Variants in ADGRV1 observed in about 807,000 individuals in gnomAD.
ADGRV1 encodes G-protein coupled receptor 98.
In ADGRV1, 359 loss-of-function variants were observed where a neutral mutation model predicts 596.2. The observed-to-expected ratio is 0.60, with a 90% confidence interval of 0.55 to 0.66. The LOEUF (loss-of-function observed/expected upper bound fraction) is 0.66, where lower values mean the gene tolerates loss of function less well. Among genes scored for constraint, ADGRV1 ranks in the 30% least tolerant of loss-of-function variants. The probability of loss-of-function intolerance (pLI) is 0.00; values close to 1 mark genes in which losing one functional copy is unlikely to be tolerated. For synonymous variants in ADGRV1, 2,681 were observed against 2,679.2 expected, an observed-to-expected ratio of 1.00 and a Z score of -0.02; for missense variants, 7,274 against 7,575.6, an observed-to-expected ratio of 0.96 and a Z score of 1.48.
At chr5:90,715,242 A>T (rs1749931009) in intron 42 of ADGRV1, among the ~76,000 whole-genome samples, 1 of 152,198 alleles carries the variant, frequency 6.6e-6, no homozygotes, top group Non-Finnish European at 1.5e-5. Context: ...AAGCTGATAG[A>T]TGATGTCCTA....
intron 2 of ADGRV1, among the ~76,000 whole-genome samples, chr5:90,616,964 A>G (rs576979902): frequency 6.6e-6 from 1 of 151,954 alleles, no homozygotes; most frequent in East Asian, 2.0e-4. Context: ...CTTTAGCTGG[A>G]TGAGAACATG....
chr5:90,668,062 T>C (rs1254320926), intron 21 of ADGRV1, among the ~76,000 whole-genome samples: 2 of 151,788 alleles, frequency 1.3e-5, no homozygotes, highest in African/African-American at 2.4e-5. Flanking sequence ...GCTGTCTTTT[T>C]GTTTGTCTGT....
intron 8 of ADGRV1, 73 bp downstream of exon 8, chr5:90,628,905 A>G: frequency 7.3e-7 from 1 of 1,373,286 alleles, no homozygotes; most frequent in Non-Finnish European, 9.9e-7. Context: ...TTGGTCATAC[A>G]CATCAACTTT....
intron 83 of ADGRV1, among the ~76,000 whole-genome samples, chr5:90,949,356 T>TA (rs947791744): frequency 6.6e-6 from 1 of 152,176 alleles, no homozygotes; most frequent in African/African-American, 2.4e-5. Context: ...GTGTGTATGT[T>TA]AAACTTCCAT....
intron 20 of ADGRV1, 146 bp downstream of exon 20, chr5:90,654,098 C>A: frequency 1.2e-6 from 1 of 829,054 alleles, no homozygotes; most frequent in Non-Finnish European, 1.9e-6. Context: ...AACTATGTGC[C>A]TACCAAGATA....
chr5:91,098,927 A>T (rs1791123545), intron 86 of ADGRV1, among the ~76,000 whole-genome samples: 1 of 151,714 alleles, frequency 6.6e-6, no homozygotes, highest in South Asian at 2.1e-4. Context: ...CAGTTGCCAG[A>T]CTTGATACCT....
In ADGRV1 at chr5:90,788,139, C is replaced by G; in HGVS notation, c.13722C>G (p.Asp4574Glu). The change falls in exon 68 of 90, where the codon GAC (aspartate) becomes GAG (glutamate). Residue 4574 changes from aspartate (D) to glutamate (E), a missense_variant. Asp to Glu is a conservative substitution (Grantham distance 45). Around this residue, in one of 5 missense-constraint regions of ADGRV1, gnomAD observed 3,643 missense variants for 3,809.2 expected, o/e 0.96. Transcript: ENST00000405460. Reference sequence around the variant, plus strand: ...TGCCACAGAATAGAGACATTGCAGACCCAGTGAGCGGGTTGTTCTATTTTG... The same window carrying G: ...TGCCACAGAATAGAGACATTGCAGAGCCAGTGAGCGGGTTGTTCTATTTTG... ...ALLPQNRDIA[D>E]PVSGLFYFGE... is the part of the protein sequence containing the mutation. The G allele has an allele frequency of 6.2e-7, 1 of 1,613,498 alleles. No homozygotes were observed. Among genetic ancestry groups the G allele is most frequent in the Non-Finnish European group, 8.5e-7 (1 of 1,179,522 alleles).
At chr5:90,948,401 T>A (rs1030111168) in intron 83 of ADGRV1, among the ~76,000 whole-genome samples, 4 of 152,124 alleles carry the variant, frequency 2.6e-5, no homozygotes, top group Non-Finnish European at 5.9e-5. Flanking sequence ...GTATGTTGTA[T>A]ACCACAATGA....
chr5:90,886,213 G>A (rs1391698203), intron 83 of ADGRV1, among the ~76,000 whole-genome samples: 2 of 152,072 alleles, frequency 1.3e-5, no homozygotes, highest in African/African-American at 2.4e-5. Context: ...TTACCTAATA[G>A]TCGGGAACCT....
At chr5:90,669,471 C>G (rs896986110) in intron 21 of ADGRV1, among the ~76,000 whole-genome samples, 1 of 151,748 alleles carries the variant, frequency 6.6e-6, no homozygotes, top group Non-Finnish European at 1.5e-5. Flanking sequence ...GTCGTTGACA[C>G]TTAAAAAAAA....
At chr5:90,975,221 C>G (rs4916701) in intron 84 of ADGRV1, among the ~76,000 whole-genome samples, 75,543 of 150,098 alleles carry the variant, frequency 0.5, 20,572 homozygotes, top group African/African-American at 0.71. Context: ...GAGAGGATGT[C>G]GAGAAATAGG....
At chr5:90,722,814 C>A (rs1183684848) in intron 45 of ADGRV1, among the ~76,000 whole-genome samples, 1 of 135,022 alleles carries the variant, frequency 7.4e-6, no homozygotes, top group Non-Finnish European at 1.5e-5. Context: ...TATTTGAAGT[C>A]ATGGAAATTG....
rs1312923013 is a variant in ADGRV1 at position 91,163,804 on chromosome 5, T to C, written c.18825T>C (p.Asp6275=). 3 of 1,577,888 alleles carry C rather than the reference T, an allele frequency of 1.9e-6. No homozygotes were observed. Among genetic ancestry groups the C allele is most frequent in the East Asian group, 4.5e-5 (2 of 44,282 alleles). ...CAGGTGCTGGTCTCAGTGTCAGTGA[T>C]AATGAATCTGGTCAAGGCAGCCAGG... ...LKTGAGLSVS[D]NESGQGSQEG... is the part of the protein sequence containing the mutation. Residue 6275 remains aspartate (D), a synonymous_variant, in exon 90 of 90, where the codon GAT becomes GAC. Coordinates refer to ENST00000405460, the MANE Select transcript of ADGRV1 (RefSeq NM_032119.4).
chr5:90,596,045 CG>C (rs1760486430), intron 1 of ADGRV1, among the ~76,000 whole-genome samples: 1 of 149,066 alleles, frequency 6.7e-6, no homozygotes, highest in South Asian at 2.1e-4. Flanking sequence ...GGGTGGCTGC[CG>C]GGCGGAGGGT....
chr5:91,026,271 G>T (rs1486494952), intron 85 of ADGRV1, among the ~76,000 whole-genome samples: 1 of 151,930 alleles, frequency 6.6e-6, no homozygotes, highest in Non-Finnish European at 1.5e-5. Flanking sequence ...GCCAAGAAAG[G>T]AAATATGAAA....
rs369432447 is a variant in ADGRV1 at position 90,985,396 on chromosome 5, G to A, written c.18026G>A (p.Arg6009Gln). Residue 6009 changes from arginine (R) to glutamine (Q), a missense_variant, in exon 85 of 90, where the codon CGA becomes CAA. Arg to Gln is a conservative substitution (Grantham distance 43, BLOSUM62 1). Coordinates refer to ENST00000405460, the MANE Select transcript of ADGRV1 (RefSeq NM_032119.4). The stretch of plus-strand genomic sequence containing the variant: ...ATGAATGATGAGCACACAGAGAGGC[G>A]ATATCTGCTGTTTTTCCTTCTGAGT... ...LVMNDEHTERRYLLFFLLSWG... is the reference protein window; with the variant it reads ...LVMNDEHTERQYLLFFLLSWG... The A allele has an allele frequency of 2.0e-5, 33 of 1,613,552 alleles. No homozygotes were observed. The highest frequency in any genetic ancestry group is 1.6e-4 in the Middle Eastern group (1 of 6,062).
intron 85 of ADGRV1, among the ~76,000 whole-genome samples, chr5:91,061,859 T>C (rs756751834): frequency 6.6e-6 from 1 of 152,244 alleles, no homozygotes; most frequent in Admixed American, 6.5e-5. Flanking sequence ...CAATGTTGTT[T>C]AAAGAATAGT....
At chr5:90,766,522 A>C (rs1020138788) in intron 59 of ADGRV1, among the ~76,000 whole-genome samples, 6 of 152,104 alleles carry the variant, frequency 3.9e-5, no homozygotes, top group African/African-American at 1.4e-4. Flanking sequence ...ATCCATGTAC[A>C]CTTTGAAAAA....
intron 83 of ADGRV1, among the ~76,000 whole-genome samples, chr5:90,928,190 T>C (rs938954779): frequency 3.3e-5 from 5 of 152,162 alleles, no homozygotes; most frequent in African/African-American, 7.2e-5. Context: ...CCTTGCTAGA[T>C]TGGGGAAGTT....
Sources: gnomAD v4.1 joint callset for allele counts (sites outside exome capture counted in the v4.1 genomes callset) on GRCh38, gnomAD v4.1.1 for gene constraint, gnomAD v4.1.1 regional missense constraint, MANE v1.5 for transcripts, NCBI Gene and HGNC (gene_info 2026-07-23, HGNC 2026-07-21) for gene names.